Variants in LHFPL3 observed in about 807,000 individuals in gnomAD.
The protein encoded by LHFPL3 is LHFPL tetraspan subfamily member 3.
In LHFPL3, 5 loss-of-function variants were observed where a neutral mutation model predicts 19.3. The ratio of observed to expected loss-of-function variants is 0.26; its 90% CI spans 0.14 to 0.54. The LOEUF is 0.54. Among genes scored for constraint, LHFPL3 ranks in the 20% least tolerant of loss-of-function variants. The pLI is 0.94. For synonymous variants in LHFPL3, 133 were observed against 126.2 expected (o/e 1.05, Z -0.36); for missense variants, 249 against 307.4 (o/e 0.81, Z 1.42).
intron 1 of LHFPL3, among the ~76,000 whole-genome samples, chr7:104,412,853 A>G (rs1791557439): frequency 1.3e-5 from 2 of 152,148 alleles, no homozygotes; most frequent in African/African-American, 4.8e-5. Flanking sequence ...ATCCTACTAA[A>G]AGCAATCTAT....
chr7:104,801,974 T>C (rs964392674), intron 2 of LHFPL3, among the ~76,000 whole-genome samples: 9 of 152,208 alleles, frequency 5.9e-5, no homozygotes, highest in African/African-American at 2.2e-4. Flanking sequence ...GCTATTTTTT[T>C]CACAATTTGT....
At chr7:104,679,635 G>A (rs954489825) in intron 1 of LHFPL3, among the ~76,000 whole-genome samples, 1 of 152,220 alleles carries the variant, frequency 6.6e-6, no homozygotes, top group Non-Finnish European at 1.5e-5. Context: ...TCTGAGATTT[G>A]AAGCCAAATG....
chr7:104,620,664 TC>T (rs3047352), intron 1 of LHFPL3, among the ~76,000 whole-genome samples: 3 of 151,988 alleles, frequency 2.0e-5, no homozygotes, highest in Non-Finnish European at 2.9e-5. Context: ...GTAGCACTTT[TC>T]CCCCCAGTGA....
chr7:104,557,925 G>A (rs1157997784), intron 1 of LHFPL3, among the ~76,000 whole-genome samples: 13 of 150,392 alleles, frequency 8.6e-5, no homozygotes, highest in East Asian at 1.9e-4. Flanking sequence ...GAGAATATGC[G>A]GTGTTTGGTT....
Position 104,820,874 on chromosome 7 carries a change from G to A in LHFPL3, c.682+83963G>A, listed in dbSNP as rs377282370. On this transcript the variant is annotated intron_variant, in intron 2 of 2. Coordinates refer to ENST00000424859, the MANE Select transcript of LHFPL3 (RefSeq NM_199000.3). ...ACCAACAAACGCCAACACAGTTAACGCCTCATCCAGTTTGTCCTGACATCA... is the reference window on the plus strand; with the variant it reads ...ACCAACAAACGCCAACACAGTTAACACCTCATCCAGTTTGTCCTGACATCA... 1.3e-4 allele frequency among the ~76,000 whole-genome samples: 20 copies of A among 152,162 alleles called. No individual in the cohort carries two copies. In the East Asian group the frequency reaches 2.7e-3, roughly 21 times the overall value.
chr7:104,562,704 G>C (rs925105645), intron 1 of LHFPL3, among the ~76,000 whole-genome samples: 6 of 152,092 alleles, frequency 3.9e-5, no homozygotes, highest in African/African-American at 1.5e-4. Context: ...TCTCCATCCA[G>C]CTTTGTTCCA....
At chr7:104,901,485 G>A (rs774026737) in intron 2 of LHFPL3, among the ~76,000 whole-genome samples, 1 of 152,176 alleles carries the variant, frequency 6.6e-6, no homozygotes, top group African/African-American at 2.4e-5. Context: ...CACGCCTTCT[G>A]ATGAGCAGCA....
At chr7:104,538,523 G>A (rs189642612) in intron 1 of LHFPL3, among the ~76,000 whole-genome samples, 3 of 152,274 alleles carry the variant, frequency 2.0e-5, no homozygotes, top group East Asian at 3.9e-4. Context: ...AGAATAACAC[G>A]TTTTCCACAG....
chr7:104,781,562 AC>A (rs1458339161), intron 2 of LHFPL3, among the ~76,000 whole-genome samples: 1 of 151,996 alleles, frequency 6.6e-6, no homozygotes, highest in Non-Finnish European at 1.5e-5. Context: ...TTGCGCATCT[AC>A]TAACTGTAAA....
chr7:104,649,626 G>C (rs1562957944), intron 1 of LHFPL3, among the ~76,000 whole-genome samples: 1 of 152,172 alleles, frequency 6.6e-6, no homozygotes, highest in Non-Finnish European at 1.5e-5. Flanking sequence ...TTCAGATTTT[G>C]AAAAACTAAA....
chr7:104,732,901 T>C (rs1793732201), intron 1 of LHFPL3, among the ~76,000 whole-genome samples: 1 of 152,246 alleles, frequency 6.6e-6, no homozygotes, highest in Non-Finnish European at 1.5e-5. Context: ...TTTAAATGTG[T>C]CCCAGAGATT....
intron 1 of LHFPL3, among the ~76,000 whole-genome samples, chr7:104,693,528 C>T (rs549392920): frequency 5.9e-5 from 9 of 152,190 alleles, no homozygotes; most frequent in East Asian, 5.8e-4. Flanking sequence ...CATGATAGTG[C>T]GTGAGTCCTC....
At chr7:104,703,089 A>T (rs1244398983) in intron 1 of LHFPL3, among the ~76,000 whole-genome samples, 1 of 152,110 alleles carries the variant, frequency 6.6e-6, no homozygotes, top group African/African-American at 2.4e-5. Flanking sequence ...TTAATTTCCA[A>T]ATCTTTTGTG....
chr7:104,522,023 C>T (rs1794073829), intron 1 of LHFPL3, among the ~76,000 whole-genome samples: 1 of 151,994 alleles, frequency 6.6e-6, no homozygotes, highest in South Asian at 2.1e-4. Context: ...TTGACCCAGC[C>T]ATCCCATTAC....
intron 1 of LHFPL3, among the ~76,000 whole-genome samples, chr7:104,460,368 T>A: frequency 6.6e-6 from 1 of 152,236 alleles, no homozygotes; most frequent in Non-Finnish European, 1.5e-5. Context: ...ATATATTCAG[T>A]AAAGGGATTG....
chr7:104,725,318 G>A (rs1194118734), intron 1 of LHFPL3, among the ~76,000 whole-genome samples: 1 of 152,182 alleles, frequency 6.6e-6, no homozygotes, highest in African/African-American at 2.4e-5. Flanking sequence ...TTCCAGTGAA[G>A]TTGTCCTATA....
At chr7:104,815,513 C>T (rs1364702358) in intron 2 of LHFPL3, among the ~76,000 whole-genome samples, 1 of 152,272 alleles carries the variant, frequency 6.6e-6, no homozygotes, top group African/African-American at 2.4e-5. Flanking sequence ...AAATCAAATT[C>T]TTAAAAAGAT....
intron 1 of LHFPL3, among the ~76,000 whole-genome samples, chr7:104,648,303 C>T (rs987319557): frequency 3.3e-5 from 5 of 152,170 alleles, no homozygotes; most frequent in East Asian, 1.9e-4. Context: ...TGTGCTCAGA[C>T]GCTTTCTAGA....
chr7:104,361,041 T>C (rs1370387233), intron 1 of LHFPL3, among the ~76,000 whole-genome samples: 3 of 152,250 alleles, frequency 2.0e-5, no homozygotes, highest in Non-Finnish European at 4.4e-5. Flanking sequence ...CAAATGTCAG[T>C]GTCCATAAAT....
Sources: gnomAD v4.1 joint callset for allele counts (sites outside exome capture counted in the v4.1 genomes callset) on GRCh38, gnomAD v4.1.1 for gene constraint, MANE v1.5 for transcripts, NCBI Gene and HGNC (gene_info 2026-07-23, HGNC 2026-07-21) for gene names.